The following GPM6B variants were observed in gnomAD, a reference collection of about 807,000 sequenced individuals.
GPM6B encodes the protein glycoprotein M6B, also known as neuronal membrane glycoprotein M6-b.
Under a neutral mutation model 27.2 loss-of-function variants are expected in GPM6B, and 4 were observed. That is an observed-to-expected ratio of 0.15 (90% CI 0.07 to 0.34). GPM6B has a LOEUF of 0.34. Ranked by LOEUF, GPM6B falls within the 10% of genes least tolerant of loss-of-function variation. The probability of loss-of-function intolerance (pLI) is 1.00; values close to 1 mark genes in which losing one functional copy is unlikely to be tolerated. For missense variants in GPM6B, 183 were observed against 261.9 expected (o/e 0.70, Z 2.08); for synonymous variants, 124 against 103.1 (o/e 1.20, Z -1.23).
At position 13,827,285 on chromosome X, in the gene GPM6B, T is replaced by C. The variant is rs777365531; in HGVS notation, c.-197-41477A>G. ...CTACCGACTTCCTTTTTTTTTTTTT[T>C]TTTTTTTTTCTTTTAGAGTCCAGGT... On this transcript the variant is annotated intron_variant, in intron 1 of 6. Transcript: ENST00000398361. Among the ~76,000 whole-genome samples the C allele has an allele frequency of 6.9e-3, 709 of 102,409 alleles. 12 individuals are homozygous for C. Among genetic ancestry groups the C allele is most frequent in the African/African-American group, 0.024 (677 of 28,326 alleles). The allele number at this position is 102,409 out of a possible 115,157, so 88.9% of individuals were successfully genotyped here. A position where few individuals can be genotyped will look rare whatever the true frequency, so the allele number is the denominator to read the frequency against.
At chrX:13,849,547 A>C (rs780430856) in intron 1 of GPM6B, among the ~76,000 whole-genome samples, 6 of 112,597 alleles carry the variant, frequency 5.3e-5, no homozygotes, top group Admixed American at 9.4e-5. Flanking sequence ...ACCATTGATT[A>C]CTCTGGATTA....
intron 1 of GPM6B, among the ~76,000 whole-genome samples, chrX:13,832,178 T>C (rs187569069): frequency 8.9e-6 from 1 of 111,796 alleles, no homozygotes; most frequent in East Asian, 2.8e-4. Flanking sequence ...GAGCATGTAG[T>C]TGTCACCTTC....
chrX:13,800,410 G>A (rs1174624759), intron 2 of GPM6B, among the ~76,000 whole-genome samples: 1 of 112,254 alleles, frequency 8.9e-6, no homozygotes, highest in Admixed American at 9.4e-5. Context: ...TTTGTTTCTA[G>A]CCACTATGTT....
At chrX:13,804,222 A>G (rs2048974467) in intron 2 of GPM6B, among the ~76,000 whole-genome samples, 2 of 111,793 alleles carry the variant, frequency 1.8e-5, no homozygotes, top group African/African-American at 6.5e-5. Context: ...CTTGGAATAG[A>G]GAATCTAGAT....
intron 7 of GPM6B, among the ~76,000 whole-genome samples, chrX:13,775,820 G>A (rs949648313): frequency 8.9e-6 from 1 of 112,278 alleles, no homozygotes; most frequent in African/African-American, 3.2e-5. Flanking sequence ...ATGGAACACA[G>A]CTACCCTGTA....
At position 13,828,350 on chromosome X, in the gene GPM6B, G is replaced by A. The variant is rs747143712; in HGVS notation, c.-197-42542C>T. Among the ~76,000 whole-genome samples the A allele has an allele frequency of 4.5e-5, 5 of 110,852 alleles. No homozygotes were observed. The South Asian group carries it at 2.0e-3, about 43-fold the overall frequency. ...TGGTGGTTTCATAAGAAGAGGAAGA[G>A]AGACCTGAGTTAGCACACTCAGCCC... On this transcript the variant is annotated intron_variant, in intron 1 of 6. Transcript: ENST00000398361.
In GPM6B at chrX:13,824,763, G is replaced by C. The variant is rs1001120924; in HGVS notation, c.-197-38955C>G. On this transcript the variant is annotated intron_variant, in intron 1 of 6. Transcript: ENST00000398361. ...CCTAAAAGGATAGTGAGTCCCATAG[G>C]GAACTGGAGAGATCGGGTGATGTAT... Among the ~76,000 whole-genome samples the C allele has an allele frequency of 8.4e-4, 94 of 111,962 alleles. 3 individuals carry two copies. The highest frequency in any genetic ancestry group is 1.3e-4 in the Non-Finnish European group (7 of 53,145).
In GPM6B at chrX:13,837,719, G is replaced by GT. The variant is rs1365069906; in HGVS notation, c.-197-51912_-197-51911insA. Among the ~76,000 whole-genome samples, 3 of 86,780 alleles carry GT rather than the reference G, an allele frequency of 3.5e-5. 1 individual carries two copies. The highest frequency in any genetic ancestry group is 7.0e-5 in the Non-Finnish European group (3 of 42,944). 75.4% of individuals were successfully genotyped at this position (86,780 alleles called of 115,157 possible). On this transcript the variant is annotated intron_variant, in intron 1 of 6. Transcript: ENST00000398361. ...TTTCAAAGCAAGTTGGTGGGGGGGG[G>GT]GGGGGGGGGAAGCAGAGGGGAAAGC...
At chrX:13,794,643 C>A (rs2048776552) in intron 2 of GPM6B, among the ~76,000 whole-genome samples, 1 of 112,217 alleles carries the variant, frequency 8.9e-6, no homozygotes, top group Non-Finnish European at 1.9e-5. Context: ...CCATAGTGTA[C>A]TTAGCAGGAA....
chrX:13,823,589 G>A lies in GPM6B; in HGVS notation c.-197-37781C>T, dbSNP rs185657130. On this transcript the variant is annotated intron_variant, in intron 1 of 6. Coordinates refer to the GPM6B transcript ENST00000398361. ...GGCTGGAGTGCAGTGGCATGATCTCGGCTCCCTGCAACCTCTGCCTCTCGA... is the reference window on the plus strand; with the variant it reads ...GGCTGGAGTGCAGTGGCATGATCTCAGCTCCCTGCAACCTCTGCCTCTCGA... 4.8e-3 allele frequency among the ~76,000 whole-genome samples: 514 copies of A among 106,216 alleles called. 2 individuals carry two copies. The highest frequency in any genetic ancestry group is 0.017 in the African/African-American group (484 of 28,716). The allele number at this position is 106,216 out of a possible 115,157, so 92.2% of individuals were successfully genotyped here.
At chrX:13,855,836 C>CCA (rs774183740) in intron 1 of GPM6B, among the ~76,000 whole-genome samples, 14 of 111,869 alleles carry the variant, frequency 1.3e-4, no homozygotes, top group African/African-American at 4.5e-4. Context: ...GGCACAGCCT[C>CCA]CACTGCGGTG....
rs1458023645 is a variant in GPM6B, at chrX:13,771,732, T to TA, written c.*1148dup. ...AGTCACTTAATGTTCTGGAACACAATAATGTAAAAGGCAAGTTTCTTTTGA... is the reference window on the plus strand; with the variant it reads ...AGTCACTTAATGTTCTGGAACACAATAAATGTAAAAGGCAAGTTTCTTTTGA... On this transcript the variant is annotated 3_prime_UTR_variant, in exon 8 of 8. Coordinates refer to ENST00000316715, the MANE Select transcript of GPM6B (RefSeq NM_001001995.3). 8.9e-6 allele frequency: 1 copy of TA among 112,436 alleles called. No individual in the cohort carries two copies. The highest frequency in any genetic ancestry group is 3.2e-5 in the African/African-American group (1 of 30,897). 9.3% of individuals were successfully genotyped at this position (112,436 alleles called of 1,213,427 possible).
chrX:13,864,766 G>A (rs926260150), intron 1 of GPM6B, among the ~76,000 whole-genome samples: 3 of 111,625 alleles, frequency 2.7e-5, no homozygotes, highest in African/African-American at 9.8e-5. Flanking sequence ...AAGGATTTCA[G>A]GGGAGAAAGT....
At chrX:13,876,476 T>C (rs1478171734) in intron 1 of GPM6B, among the ~76,000 whole-genome samples, 1 of 112,294 alleles carries the variant, frequency 8.9e-6, no homozygotes, top group Non-Finnish European at 1.9e-5. Context: ...AGGCCCTATG[T>C]TCCTGGCATG....
At chrX:13,920,764 G>A (rs1329695742) in intron 1 of GPM6B, among the ~76,000 whole-genome samples, 2 of 109,379 alleles carry the variant, frequency 1.8e-5, no homozygotes, top group African/African-American at 6.7e-5. Context: ...GGTGGCGGGC[G>A]CCTGCAGTCC....
At position 13,861,109 on chromosome X, in the gene GPM6B, CACAT is replaced by C. The variant is rs200188551; in HGVS notation, c.-197-75305_-197-75302del. Among the ~76,000 whole-genome samples, 118 of 104,691 alleles carry C rather than the reference CACAT, an allele frequency of 1.1e-3. No homozygotes were observed. The East Asian group carries it at 0.033, about 29-fold the overall frequency. The allele number at this position is 104,691 out of a possible 115,157, so 90.9% of individuals were successfully genotyped here. On this transcript the variant is annotated intron_variant, in intron 1 of 6. Transcript: ENST00000398361. ...ACACATATATACACATACATATACA[CACAT>C]ATATATACACATACATATATATATA...
intron 2 of GPM6B, among the ~76,000 whole-genome samples, chrX:13,793,689 C>G (rs1475656557): frequency 8.9e-6 from 1 of 112,240 alleles, no homozygotes; most frequent in Admixed American, 9.4e-5. Context: ...TTGGAATAAT[C>G]TGGGGAGCAT....
chrX:13,909,034 T>C (rs1266498968), intron 1 of GPM6B, among the ~76,000 whole-genome samples: 2 of 111,024 alleles, frequency 1.8e-5, no homozygotes, highest in African/African-American at 6.6e-5. Context: ...GCAAAGATGG[T>C]ACAGAGGGTT....
At chrX:13,829,339 G>A (rs976698876) in intron 1 of GPM6B, among the ~76,000 whole-genome samples, 1 of 111,527 alleles carries the variant, frequency 9.0e-6, no homozygotes, top group African/African-American at 3.3e-5. Flanking sequence ...ACTCATAAGA[G>A]AACTTCCCCC....
Sources: allele counts gnomAD v4.1 joint callset (sites outside exome capture counted in the v4.1 genomes callset), GRCh38; gene constraint gnomAD v4.1.1; transcripts MANE v1.5; gene names NCBI Gene and HGNC (gene_info 2026-07-23, HGNC 2026-07-21).